NPEPPS: variants seen among roughly 807,000 people sequenced by gnomAD.
NPEPPS encodes the protein aminopeptidase puromycin sensitive.
Under a neutral mutation model 115.5 loss-of-function variants are expected in NPEPPS, and 14 were observed. That is an observed-to-expected ratio of 0.12 (90% CI 0.08 to 0.19). The LOEUF (loss-of-function observed/expected upper bound fraction) is 0.19, where lower values mean the gene tolerates loss of function less well. Ranked by LOEUF, NPEPPS falls within the 10% of genes least tolerant of loss-of-function variation. NPEPPS has a pLI of 1.00. For missense variants in NPEPPS, 523 were observed against 1,110.8 expected (o/e 0.47, Z 7.52); for synonymous variants, 285 against 390.6 (o/e 0.73, Z 3.19).
At chr17:47,529,508 G>A (rs943981115), upstream of NPEPPS, among the ~76,000 whole-genome samples, 13 of 149,196 alleles carry the variant, frequency 8.7e-5, no homozygotes, top group Admixed American at 6.8e-5. Context: ...GGGTTCAAGC[G>A]ATTCTCCTGT....
chr17:47,550,767 C>T (rs992993683), intron 2 of NPEPPS, among the ~76,000 whole-genome samples: 1 of 151,768 alleles, frequency 6.6e-6, no homozygotes, highest in African/African-American at 2.4e-5. Context: ...GCTGGGATCA[C>T]AGGTGTGCAC....
chr17:47,540,944 C>T (rs981763088), intron 1 of NPEPPS, among the ~76,000 whole-genome samples: 4 of 152,038 alleles, frequency 2.6e-5, no homozygotes, highest in Admixed American at 2.6e-4. Context: ...CCCACCCTTC[C>T]AGAAATGGTA....
Position 47,618,992 on chromosome 17 carries a change from TC to T in NPEPPS, c.2404-16del. On this transcript the variant is annotated splice_polypyrimidine_tract_variant and intron_variant, in intron 20 of 22. Coordinates refer to ENST00000322157, the MANE Select transcript of NPEPPS (RefSeq NM_006310.4). Reference sequence around the variant, plus strand: ...GTTTTTGATACACTAGACTTTTAGCTCTCTTTCTTTTTTTAGGAAGAGGTAC... The same window carrying T: ...GTTTTTGATACACTAGACTTTTAGCTTCTTTCTTTTTTTAGGAAGAGGTAC... 1 of 1,609,572 alleles carries T rather than the reference TC, an allele frequency of 6.2e-7. No homozygotes were observed. The highest frequency in any genetic ancestry group is 8.5e-7 in the Non-Finnish European group (1 of 1,177,394).
intron 12 of NPEPPS, among the ~76,000 whole-genome samples, chr17:47,594,695 C>A (rs1459003808): frequency 6.6e-6 from 1 of 151,704 alleles, no homozygotes; most frequent in Non-Finnish European, 1.5e-5. Context: ...TGCAGTGGCG[C>A]GATCTCGGCT....
chr17:47,564,960 CCATGA>C (rs1223434360), intron 2 of NPEPPS, among the ~76,000 whole-genome samples: 4 of 152,102 alleles, frequency 2.6e-5, no homozygotes, highest in African/African-American at 9.7e-5. Flanking sequence ...TTAATGACCT[CCATGA>C]CATAATTACT....
intron 3 of NPEPPS, among the ~76,000 whole-genome samples, chr17:47,570,812 C>T (rs1567852053): frequency 1.3e-5 from 2 of 152,162 alleles, no homozygotes; most frequent in Non-Finnish European, 2.9e-5. Flanking sequence ...TTTAAAAATT[C>T]CCAATGATAT....
chr17:47,574,303 TC>T, intron 3 of NPEPPS, among the ~76,000 whole-genome samples: 1 of 152,012 alleles, frequency 6.6e-6, no homozygotes, highest in Non-Finnish European at 1.5e-5. Flanking sequence ...TTAAAAATAG[TC>T]CCAAAAGATA....
intron 17 of NPEPPS, among the ~76,000 whole-genome samples, chr17:47,609,817 A>G (rs1181323761): frequency 3.9e-5 from 6 of 152,100 alleles, no homozygotes. Context: ...GAATCATACA[A>G]TGTGTGTTCT....
chr17:47,601,759 A>G lies in NPEPPS; in HGVS notation c.1740+12A>G. 6.2e-7 allele frequency: 1 copy of G among 1,612,606 alleles called. No individual in the cohort carries two copies. On this transcript the variant is annotated intron_variant, in intron 15 of 22. Transcript: ENST00000322157. ...ACCAATGGGTGAAGGTGAGTTCAGA[A>G]TCTTACCTAAACAGATTTCTCTCAC...
chr17:47,543,138 T>G (rs1313402260), intron 1 of NPEPPS, among the ~76,000 whole-genome samples: 1 of 124,950 alleles, frequency 8.0e-6, no homozygotes, highest in East Asian at 2.3e-4. Flanking sequence ...AGAGCGAGAC[T>G]CCATCTCAAA....
chr17:47,588,818 A>T (rs1247429440), intron 9 of NPEPPS, among the ~76,000 whole-genome samples: 2 of 152,190 alleles, frequency 1.3e-5, no homozygotes, highest in African/African-American at 4.8e-5. Flanking sequence ...ATTAGAACTG[A>T]AATTCCAAGG....
In NPEPPS at chr17:47,613,699, G is replaced by C; in HGVS notation, c.2269G>C (p.Gly757Arg). 1 of 1,611,066 alleles carries C rather than the reference G, an allele frequency of 6.2e-7. No individual in the cohort carries two copies. Among genetic ancestry groups the C allele is most frequent in the Non-Finnish European group, 8.5e-7 (1 of 1,179,032 alleles). ...VYLTVLKHGDGTTLDIMLKLH... is the reference protein window; with the variant it reads ...VYLTVLKHGDRTTLDIMLKLH... ...TCTGACTGTTTTGAAGCATGGTGAT[G>C]GCACTACTTTAGATATTATGTTAAA... is the stretch of plus-strand genomic sequence containing the variant. Residue 757 changes from glycine to arginine, a missense_variant, in exon 19 of 23, where the codon GGC (glycine) becomes CGC (arginine). Around this residue, in one of 4 missense-constraint regions of NPEPPS, gnomAD observed 372 missense variants for 542.6 expected, o/e 0.69. Coordinates refer to ENST00000322157, the MANE Select transcript of NPEPPS (RefSeq NM_006310.4).
At chr17:47,540,625 A>T in intron 1 of NPEPPS, among the ~76,000 whole-genome samples, 1 of 152,232 alleles carries the variant, frequency 6.6e-6, no homozygotes, top group Non-Finnish European at 1.5e-5. Context: ...ATATAATACA[A>T]TACATAGTTT....
At chr17:47,616,244 T>C (rs774886600) in intron 19 of NPEPPS, among the ~76,000 whole-genome samples, 3 of 152,128 alleles carry the variant, frequency 2.0e-5, no homozygotes, top group Non-Finnish European at 2.9e-5. Flanking sequence ...GTCCTGTCTA[T>C]TTTACTGCAC....
chr17:47,601,519 AGGCTCCTGGTTAGAAC>A, intron 14 of NPEPPS, 73 bp from the exon 15 acceptor site: 1 of 1,444,866 alleles, frequency 6.9e-7, no homozygotes, highest in Non-Finnish European at 9.6e-7. Context: ...AGTTTGGCTT[AGGCTCCTGGTTAGAAC>A]ACCACCACTC....
chr17:47,559,736 C>T (rs931335121), intron 2 of NPEPPS: 1 of 446,370 alleles, frequency 2.2e-6, no homozygotes. Context: ...GGGTCATTTA[C>T]TCAAGCCTCT....
rs191246271 is a variant in NPEPPS at position 47,574,108 on chromosome 17, C to T, written c.418+4614C>T. 1.8e-3 allele frequency among the ~76,000 whole-genome samples: 271 copies of T among 150,674 alleles called. 1 individual carries two copies. The highest frequency in any genetic ancestry group is 5.8e-3 in the African/African-American group (241 of 41,464). On this transcript the variant is annotated intron_variant, in intron 3 of 22. Transcript: ENST00000322157. ...CCACATATGAAACATTAGGGATAAACGTGTTTCATATGCAGATAAAATATT... is the reference window on the plus strand; with the variant it reads ...CCACATATGAAACATTAGGGATAAATGTGTTTCATATGCAGATAAAATATT...
intron 4 of NPEPPS, chr17:47,580,246 T>C (rs577846430): frequency 6.6e-6 from 1 of 152,158 alleles, no homozygotes; most frequent in Non-Finnish European, 1.5e-5. Context: ...TTACCTGATG[T>C]ATCTTCTCTT....
At chr17:47,525,585 C>T (rs1217507432) in intron 1 of NPEPPS, among the ~76,000 whole-genome samples, 6 of 152,100 alleles carry the variant, frequency 3.9e-5, no homozygotes, top group African/African-American at 7.2e-5. Flanking sequence ...TCAGGTGAGC[C>T]GCCCACCTTG....
Sources: gnomAD v4.1 joint callset for allele counts (sites outside exome capture counted in the v4.1 genomes callset) on GRCh38, gnomAD v4.1.1 for gene constraint, gnomAD v4.1.1 regional missense constraint, MANE v1.5 for transcripts, NCBI Gene and HGNC (gene_info 2026-07-23, HGNC 2026-07-21) for gene names.